The following ROR2 variants were observed in gnomAD, a reference collection of about 807,000 sequenced individuals.
ROR2 encodes tyrosine-protein kinase transmembrane receptor ROR2.
ROR2 carries 33 observed loss-of-function variants against 74.9 expected under a neutral mutation model. That is an observed-to-expected ratio of 0.44 (90% CI 0.33 to 0.59). The LOEUF is 0.59. Among genes scored for constraint, ROR2 ranks in the 20% least tolerant of loss-of-function variants. ROR2 has a pLI of 0.02. For synonymous variants in ROR2, 586 were observed against 558.7 expected (o/e 1.05, Z -0.69); for missense variants, 1,216 against 1,313.8 (o/e 0.93, Z 1.15).
At position 91,724,925 on chromosome 9, in the gene ROR2, A is replaced by C. The variant is rs546594217; in HGVS notation, c.1569T>G (p.His523Gln). The change falls in exon 9 of 9, where the codon CAT becomes CAG. Residue 523 changes from histidine to glutamine, a missense_variant. Physicochemically the swap from His to Gln is conservative, Grantham distance 24. Coordinates refer to ENST00000375708, the MANE Select transcript of ROR2 (RefSeq NM_004560.4). ...AEGPLREEFR[H>Q]EAMLRARLQH... ...GCAGCCGTGCTCGCAGCATAGCCTC[A>C]TGCCGGAACTCCTCCCGCAGGGGCC... 2 of 1,612,274 alleles carry C rather than the reference A, an allele frequency of 1.2e-6. No homozygotes were observed. Among genetic ancestry groups the C allele is most frequent in the Non-Finnish European group, 1.7e-6 (2 of 1,178,768 alleles).
Position 91,824,149 on chromosome 9 carries a change from G to A in ROR2, c.98-48331C>T, listed in dbSNP as rs534933804. 5.3e-5 allele frequency among the ~76,000 whole-genome samples: 8 copies of A among 152,304 alleles called. No individual in the cohort carries two copies. The South Asian group carries it at 1.5e-3, about 28-fold the overall frequency. On this transcript the variant is annotated intron_variant, in intron 1 of 8. Transcript: ENST00000375708. The stretch of plus-strand genomic sequence containing the variant: ...TTCACAGTTCCCAGGTAATCATCAC[G>A]ACCAGGCCACCTTCCCAGAGAGACA...
intron 1 of ROR2, among the ~76,000 whole-genome samples, chr9:91,855,894 G>A (rs569455959): frequency 2.0e-5 from 3 of 152,034 alleles, no homozygotes; most frequent in South Asian, 2.1e-4. Context: ...CACCGGGGCC[G>A]CACCACCAGA....
intron 4 of ROR2, among the ~76,000 whole-genome samples, chr9:91,750,378 A>T (rs1825561860): frequency 1.3e-5 from 2 of 152,378 alleles, no homozygotes; most frequent in East Asian, 1.9e-4. Flanking sequence ...TGCTTCAACC[A>T]ATCAATACAC....
intron 1 of ROR2, among the ~76,000 whole-genome samples, chr9:91,895,536 A>C (rs1230632349): frequency 6.6e-6 from 1 of 152,184 alleles, no homozygotes; most frequent in Non-Finnish European, 1.5e-5. Flanking sequence ...TGTGAACCTA[A>C]AATGTTCTAA....
chr9:91,807,608 G>A (rs769354399), intron 1 of ROR2, among the ~76,000 whole-genome samples: 2 of 152,180 alleles, frequency 1.3e-5, no homozygotes, highest in African/African-American at 4.8e-5. Flanking sequence ...AGGCAGTCTT[G>A]CAGAACTGAA....
At chr9:91,871,214 C>T (rs1026116292) in intron 1 of ROR2, among the ~76,000 whole-genome samples, 3 of 152,210 alleles carry the variant, frequency 2.0e-5, no homozygotes, top group Admixed American at 2.0e-4. Flanking sequence ...TCTCTGTTTC[C>T]ATGTTGGTCT....
chr9:91,949,395 G>A (rs1832107012), intron 1 of ROR2, among the ~76,000 whole-genome samples: 1 of 151,866 alleles, frequency 6.6e-6, no homozygotes, highest in South Asian at 2.1e-4. Context: ...GATTCTGCCA[G>A]GCATCAGGCC....
chr9:91,806,791 G>T (rs140997188), intron 1 of ROR2, among the ~76,000 whole-genome samples: 14 of 152,140 alleles, frequency 9.2e-5, no homozygotes, highest in Admixed American at 6.5e-5. Context: ...GGGTTTCACC[G>T]TGTTAGCCAG....
intron 2 of ROR2, among the ~76,000 whole-genome samples, chr9:91,771,696 GTC>G (rs200079382): frequency 8.7e-5 from 13 of 148,990 alleles, no homozygotes; most frequent in Admixed American, 2.0e-4. Flanking sequence ...CTCTCTCTCT[GTC>G]TCTCTCTCTC....
rs758163676 is a variant in ROR2 at position 91,756,066 on chromosome 9, C to G, written c.494+5G>C. 1 of 1,613,942 alleles carries G rather than the reference C, an allele frequency of 6.2e-7. No individual in the cohort carries two copies. Among genetic ancestry groups the G allele is most frequent in the Non-Finnish European group, 8.5e-7 (1 of 1,179,802 alleles). On this transcript the variant is annotated splice_donor_5th_base_variant and intron_variant, in intron 4 of 8. Coordinates refer to ENST00000375708, the MANE Select transcript of ROR2 (RefSeq NM_004560.4). ...GAACACGGCTTGGGGAAAACAGATA[C>G]TTACTGAAAGTTATGATTTGGGCTG...
Position 91,794,391 on chromosome 9 carries a change from G to A in ROR2, c.98-18573C>T, listed in dbSNP as rs1037915799. 3.3e-5 allele frequency among the ~76,000 whole-genome samples: 5 copies of A among 152,220 alleles called. No individual in the cohort carries two copies. The South Asian group carries it at 6.2e-4, about 19-fold the overall frequency. On this transcript the variant is annotated intron_variant, in intron 1 of 8. Transcript: ENST00000375708. ...ATCTGTGCATGAGATGCAGAAAGTC[G>A]GCAGACTCACCAGTAAGTAAAGCAA...
At position 91,724,816 on chromosome 9, in the gene ROR2, C is replaced by T. The variant is rs148793424; in HGVS notation, c.1678G>A (p.Asp560Asn). ...CGCATGACCAGGAATTCGTGGAGGTCGCCGTGCGAACAGTAGCTGAAGATC... is the reference window on the plus strand; with the variant it reads ...CGCATGACCAGGAATTCGTGGAGGTTGCCGTGCGAACAGTAGCTGAAGATC... ...SMIFSYCSHG[D>N]LHEFLVMRSP... Residue 560 changes from aspartate (D) to asparagine (N), a missense_variant, in exon 9 of 9, where the codon GAC becomes AAC. Asp to Asn is a conservative substitution (Grantham distance 23). Coordinates refer to ENST00000375708, the MANE Select transcript of ROR2 (RefSeq NM_004560.4). 37 of 1,607,642 alleles carry T rather than the reference C, an allele frequency of 2.3e-5. No individual in the cohort carries two copies. Among genetic ancestry groups the T allele is most frequent in the Admixed American group, 6.7e-5 (4 of 59,886 alleles).
chr9:91,793,233 G>C (rs951262011), intron 1 of ROR2, among the ~76,000 whole-genome samples: 2 of 152,106 alleles, frequency 1.3e-5, no homozygotes, highest in African/African-American at 4.8e-5. Context: ...CACATGGATT[G>C]ACAGATCAAT....
intron 1 of ROR2, among the ~76,000 whole-genome samples, chr9:91,897,044 C>T (rs1238784463): frequency 1.3e-5 from 2 of 152,206 alleles, no homozygotes; most frequent in Admixed American, 6.5e-5. Flanking sequence ...GCTCCTCTTC[C>T]GTGTTCGGTG....
intron 1 of ROR2, among the ~76,000 whole-genome samples, chr9:91,782,530 A>G (rs1401414667): frequency 6.6e-6 from 1 of 151,332 alleles, no homozygotes; most frequent in African/African-American, 2.4e-5. Flanking sequence ...CTGGAAGAAG[A>G]ATAATTGTCT....
intron 2 of ROR2, among the ~76,000 whole-genome samples, chr9:91,766,441 C>A (rs1294564824): frequency 6.6e-6 from 1 of 152,138 alleles, no homozygotes; most frequent in African/African-American, 2.4e-5. Flanking sequence ...GCATTTGCAT[C>A]TTTTACTAGT....
chr9:91,904,344 C>G (rs1404115564), intron 1 of ROR2, among the ~76,000 whole-genome samples: 1 of 152,186 alleles, frequency 6.6e-6, no homozygotes, highest in Non-Finnish European at 1.5e-5. Context: ...CCTGAGGATG[C>G]CACAAGTTTA....
At chr9:91,806,834 C>A (rs1356002570) in intron 1 of ROR2, among the ~76,000 whole-genome samples, 1 of 152,174 alleles carries the variant, frequency 6.6e-6, no homozygotes, top group Non-Finnish European at 1.5e-5. Flanking sequence ...TGTGATCCGC[C>A]CGCCTCGGCC....
In ROR2 at chr9:91,892,052, G is replaced by GAAAAA. The variant is rs74312809; in HGVS notation, c.97+57810_97+57814dup. ...AACAGAACAAGAATCTGTCTAAGAAGAAAAAAAAAAAAAAAAAAAGCCAGC... is the reference window on the plus strand; with the variant it reads ...AACAGAACAAGAATCTGTCTAAGAAGAAAAAAAAAAAAAAAAAAAAAAAAGCCAGC... On this transcript the variant is annotated intron_variant, in intron 1 of 8. Transcript: ENST00000375708. Among the ~76,000 whole-genome samples, 75 of 70,948 alleles carry GAAAAA rather than the reference G, an allele frequency of 1.1e-3. 1 individual carries two copies. Among genetic ancestry groups the GAAAAA allele is most frequent in the African/African-American group, 2.1e-3 (55 of 26,648 alleles). The allele number at this position is 70,948 out of a possible 152,430, so 46.5% of individuals were successfully genotyped here. A position where few individuals can be genotyped will look rare whatever the true frequency, so the allele number is the denominator to read the frequency against.
Sources: allele counts gnomAD v4.1 joint callset (sites outside exome capture counted in the v4.1 genomes callset), GRCh38; gene constraint gnomAD v4.1.1; transcripts MANE v1.5; gene names NCBI Gene and HGNC (gene_info 2026-07-23, HGNC 2026-07-21).